KCNG3: variants seen among roughly 807,000 people sequenced by gnomAD.
KCNG3 encodes voltage-gated potassium channel regulatory subunit KCNG3.
KCNG3 carries 15 observed loss-of-function variants against 29.0 expected under a neutral mutation model. The ratio of observed to expected loss-of-function variants is 0.52; its 90% CI spans 0.35 to 0.80. The LOEUF (loss-of-function observed/expected upper bound fraction) is 0.80, where lower values mean the gene tolerates loss of function less well. Ranked by LOEUF, KCNG3 falls within the 30% of genes least tolerant of loss-of-function variation. The pLI is 0.01. For synonymous variants in KCNG3, 322 were observed against 248.9 expected, an observed-to-expected ratio of 1.29 and a Z score of -2.76; for missense variants, 512 against 605.7, an observed-to-expected ratio of 0.85 and a Z score of 1.62.
chr2:42,420,717 G>A, the KCNG3 span, among the ~76,000 whole-genome samples: 1 of 152,118 alleles, frequency 6.6e-6, no homozygotes, highest in South Asian at 2.1e-4. Flanking sequence ...TTGAACTCAG[G>A]AGGCGGAGGT....
chr2:42,425,689 C>T, the KCNG3 span, among the ~76,000 whole-genome samples: 9 of 151,976 alleles, frequency 5.9e-5, no homozygotes, highest in African/African-American at 1.9e-4. Context: ...AAACTTGCCT[C>T]GTGTTGATTA....
chr2:42,477,496 C>T (rs1277378232), intron 1 of KCNG3, among the ~76,000 whole-genome samples: 1 of 144,802 alleles, frequency 6.9e-6, no homozygotes, highest in Non-Finnish European at 1.5e-5. Flanking sequence ...GGCGCAATCT[C>T]GGCTCACTGC....
chr2:42,440,777 A>G (rs959597372), downstream of KCNG3, among the ~76,000 whole-genome samples: 1 of 152,218 alleles, frequency 6.6e-6, no homozygotes, highest in Admixed American at 6.5e-5. Flanking sequence ...AAAGCCTTGA[A>G]TTGTTAGTTT....
chr2:42,469,942 G>C, intron 1 of KCNG3: 2 of 360,628 alleles, frequency 5.5e-6, no homozygotes, highest in South Asian at 7.8e-5. Context: ...TGGCCAACAA[G>C]GCCTGACTCC....
chr2:42,419,172 T>A, the KCNG3 span, among the ~76,000 whole-genome samples: 75 of 149,426 alleles, frequency 5.0e-4, no homozygotes, highest in African/African-American at 7.4e-5. Context: ...GAAATTCGCA[T>A]GTGCTGCTAT....
chr2:42,449,379 T>C (rs1166402353), intron 1 of KCNG3, among the ~76,000 whole-genome samples: 1 of 152,160 alleles, frequency 6.6e-6, no homozygotes, highest in Non-Finnish European at 1.5e-5. Context: ...CTCACTCATT[T>C]ACACATTGTC....
At chr2:42,390,214 T>C in the KCNG3 span, among the ~76,000 whole-genome samples, 1 of 152,220 alleles carries the variant, frequency 6.6e-6, no homozygotes, top group Admixed American at 6.5e-5. Context: ...GATGCTATCT[T>C]ATTTAGTTCA....
At chr2:42,439,388 C>T (rs530463124), downstream of KCNG3, among the ~76,000 whole-genome samples, 4 of 151,568 alleles carry the variant, frequency 2.6e-5, no homozygotes, top group South Asian at 2.1e-4. Context: ...CAGCCTTCTG[C>T]GTAGCTGGGA....
intron 1 of KCNG3, among the ~76,000 whole-genome samples, chr2:42,469,505 G>T (rs1347421795): frequency 4.0e-5 from 6 of 151,826 alleles, no homozygotes; most frequent in African/African-American, 7.3e-5. Flanking sequence ...AGGCTCTTCA[G>T]ATTAGTGAAG....
chr2:42,446,225 G>T (rs1247544468), intron 1 of KCNG3, among the ~76,000 whole-genome samples: 1 of 151,564 alleles, frequency 6.6e-6, no homozygotes, highest in Non-Finnish European at 1.5e-5. Flanking sequence ...CACCCAGGCT[G>T]GAGTGCAGTG....
At chr2:42,404,252 G>A in the KCNG3 span, among the ~76,000 whole-genome samples, 1 of 152,002 alleles carries the variant, frequency 6.6e-6, no homozygotes, top group South Asian at 2.1e-4. Flanking sequence ...AAATTTCTTG[G>A]CACAGAATTG....
intron 1 of KCNG3, among the ~76,000 whole-genome samples, chr2:42,488,046 T>C (rs1395951489): frequency 6.6e-6 from 1 of 152,172 alleles, no homozygotes; most frequent in African/African-American, 2.4e-5. Flanking sequence ...ATATAAAATG[T>C]CTCTGAAATG....
chr2:42,445,240 T>C (rs762793211), intron 1 of KCNG3, among the ~76,000 whole-genome samples: 36 of 152,156 alleles, frequency 2.4e-4, no homozygotes, highest in Admixed American at 6.5e-5. Flanking sequence ...AAATTTAACT[T>C]ACTCTTGCAG....
chr2:42,414,601 T>G, the KCNG3 span, among the ~76,000 whole-genome samples: 1 of 152,078 alleles, frequency 6.6e-6, no homozygotes, highest in South Asian at 2.1e-4. Flanking sequence ...TTTAGTGGTT[T>G]CAACCTGACA....
the KCNG3 span, among the ~76,000 whole-genome samples, chr2:42,435,534 T>C: frequency 2.0e-5 from 3 of 152,154 alleles, no homozygotes; most frequent in African/African-American, 7.2e-5. Flanking sequence ...TTGAAAAGGA[T>C]CTGTATCCAG....
chr2:42,471,885 CAAAAAAAA>C (rs59566876), intron 1 of KCNG3, among the ~76,000 whole-genome samples: 28 of 63,926 alleles, frequency 4.4e-4, no homozygotes, highest in Middle Eastern at 0.01. Context: ...CCCTGTATCT[CAAAAAAAA>C]AAAAAAAAAA....
intron 1 of KCNG3, among the ~76,000 whole-genome samples, chr2:42,492,345 T>C (rs540429167): frequency 6.6e-6 from 1 of 152,296 alleles, no homozygotes; most frequent in Non-Finnish European, 1.5e-5. Context: ...AACGATTCCA[T>C]TACAGCACAT....
At chr2:42,445,448 A>T (rs1672574659) in intron 1 of KCNG3, among the ~76,000 whole-genome samples, 1 of 152,156 alleles carries the variant, frequency 6.6e-6, no homozygotes, top group African/African-American at 2.4e-5. Context: ...GAGCAAGTTT[A>T]TGGGGAACTG....
the KCNG3 span, among the ~76,000 whole-genome samples, chr2:42,393,227 CA>C: frequency 1.5e-5 from 2 of 131,958 alleles, no homozygotes; most frequent in East Asian, 2.2e-4. Flanking sequence ...AACAGGAAAA[CA>C]AAAAAAAACA....
Sources: allele counts gnomAD v4.1 joint callset (sites outside exome capture counted in the v4.1 genomes callset), GRCh38; gene constraint gnomAD v4.1.1; transcripts MANE v1.5; gene names NCBI Gene and HGNC (gene_info 2026-07-23, HGNC 2026-07-21).